CHD1L: variants seen among roughly 807,000 people sequenced by gnomAD.
CHD1L encodes ATP-dependent chromatin remodeler CHD1L.
Under a neutral mutation model 115.9 loss-of-function variants are expected in CHD1L, and 118 were observed. The ratio of observed to expected loss-of-function variants is 1.02; its 90% CI spans 0.88 to 1.19. The LOEUF (loss-of-function observed/expected upper bound fraction) is 1.19. Among genes scored for constraint, CHD1L ranks in the 50% most tolerant of loss-of-function variants. CHD1L has a pLI of 0.00. For synonymous variants in CHD1L, 411 were observed against 387.1 expected (o/e 1.06, Z -0.72); for missense variants, 1,179 against 1,065.3 (o/e 1.11, Z -1.49).
At chr1:147,224,793 T>A in the CHD1L span, 12,457 of 1,154,048 alleles carry the variant, frequency 0.011, 125 homozygotes, top group Middle Eastern at 0.025. Context: ...TACAGGCGTG[T>A]GCCAACCGCG....
intron 16 of CHD1L, 49 bp from the exon 17 acceptor site, chr1:147,285,275 C>T (rs782395421): frequency 1.5e-5 from 24 of 1,577,154 alleles, no homozygotes; most frequent in Middle Eastern, 1.7e-4. Context: ...TAATGAAATT[C>T]GGGGAGGAAT....
chr1:147,288,322 C>CAT (rs1452486110), intron 19 of CHD1L, among the ~76,000 whole-genome samples: 1,219 of 87,858 alleles, frequency 0.014, 103 homozygotes, highest in African/African-American at 0.055. Flanking sequence ...GACCCTGTTT[C>CAT]AATAAAAAAA....
the CHD1L span, chr1:147,216,084 G>C: frequency 1.7e-6 from 1 of 601,674 alleles, no homozygotes; most frequent in South Asian, 2.1e-5. Context: ...CCCTTATGTA[G>C]TCCCTTCCCC....
At chr1:147,248,622 C>G (rs1553934890) in intron 1 of CHD1L, among the ~76,000 whole-genome samples, 1 of 152,102 alleles carries the variant, frequency 6.6e-6, no homozygotes, top group Non-Finnish European at 1.5e-5. Context: ...ATCTCTGTTT[C>G]TTTTTCTTGC....
At chr1:147,254,726 C>T (rs1669511145) in intron 2 of CHD1L, 144 bp from the exon 3 acceptor site, 2 of 504,686 alleles carry the variant, frequency 4.0e-6, no homozygotes, top group Middle Eastern at 2.9e-4. Flanking sequence ...GATTACTCCC[C>T]TGATATGCGG....
intron 7 of CHD1L, among the ~76,000 whole-genome samples, chr1:147,265,452 G>A (rs1400345499): frequency 6.6e-6 from 1 of 152,102 alleles, no homozygotes; most frequent in Non-Finnish European, 1.5e-5. Context: ...TTCTAATTTA[G>A]AATAATTTTT....
intron 20 of CHD1L, among the ~76,000 whole-genome samples, chr1:147,292,397 C>T (rs1375667659): frequency 6.6e-6 from 1 of 152,180 alleles, no homozygotes; most frequent in Non-Finnish European, 1.5e-5. Context: ...ATTTACCCCA[C>T]CTACCTGGCT....
rs191318054 is a variant in CHD1L at position 147,267,536 on chromosome 1, C to A, written c.988+18C>A. 9.8e-5 allele frequency: 155 copies of A among 1,575,104 alleles called. 2 individuals are homozygous for A. The East Asian group carries it at 1.6e-3, about 16-fold the overall frequency. ...GTTTGATGGTGAGACAGTGCCTTTTCCCCCCACATTATTCTTTGGTAATGT... is the reference window on the plus strand; with the variant it reads ...GTTTGATGGTGAGACAGTGCCTTTTACCCCCACATTATTCTTTGGTAATGT... On this transcript the variant is annotated intron_variant, in intron 9 of 22. Transcript: ENST00000369258.
At chr1:147,290,365 A>G (rs1685021753) in intron 19 of CHD1L, among the ~76,000 whole-genome samples, 1 of 152,142 alleles carries the variant, frequency 6.6e-6, no homozygotes, top group Admixed American at 6.5e-5. Flanking sequence ...GATTACACAC[A>G]TAAGCCACTG....
At chr1:147,218,736 A>C in the CHD1L span, among the ~76,000 whole-genome samples, 2 of 152,164 alleles carry the variant, frequency 1.3e-5, no homozygotes, top group Admixed American at 6.6e-5. Context: ...TTTAATCTCA[A>C]ATTTCTAAGT....
chr1:147,288,970 G>T (rs373252602), intron 19 of CHD1L, among the ~76,000 whole-genome samples: 3 of 152,146 alleles, frequency 2.0e-5, no homozygotes, highest in Non-Finnish European at 2.9e-5. Context: ...GAAGGACCTT[G>T]TCTGATAGAG....
the CHD1L span, among the ~76,000 whole-genome samples, chr1:147,200,156 T>G: frequency 6.6e-6 from 1 of 152,212 alleles, no homozygotes; most frequent in Non-Finnish European, 1.5e-5. Context: ...CATTGGCTGA[T>G]AGGAAAAAGG....
intron 2 of CHD1L, among the ~76,000 whole-genome samples, chr1:147,253,921 A>G (rs1669217347): frequency 6.6e-6 from 1 of 152,206 alleles, no homozygotes; most frequent in African/African-American, 2.4e-5. Context: ...CCATCAAGAG[A>G]ATTTATAATT....
At chr1:147,212,451 A>G in the CHD1L span, 6 of 1,614,066 alleles carry the variant, frequency 3.7e-6, no homozygotes, top group East Asian at 1.1e-4. Context: ...CCCAATGCCA[A>G]TTATAATGAC....
chr1:147,190,068 G>A, the CHD1L span: 2 of 675,960 alleles, frequency 3.0e-6, no homozygotes, highest in South Asian at 2.4e-5. Flanking sequence ...CTTCATAATA[G>A]AATCTAAATC....
chr1:147,192,930 A>T, the CHD1L span, among the ~76,000 whole-genome samples: 1 of 151,976 alleles, frequency 6.6e-6, no homozygotes, highest in Non-Finnish European at 1.5e-5. Flanking sequence ...TTTATTGAGG[A>T]TTTTTGCATC....
intron 2 of CHD1L, among the ~76,000 whole-genome samples, chr1:147,254,001 C>T (rs919955696): frequency 3.9e-5 from 6 of 152,204 alleles, no homozygotes; most frequent in East Asian, 1.9e-4. Context: ...TTGATAGGAA[C>T]ATCTTTGTGC....
the CHD1L span, among the ~76,000 whole-genome samples, chr1:147,217,101 G>A: frequency 3.3e-5 from 5 of 152,094 alleles, no homozygotes; most frequent in Non-Finnish European, 5.9e-5. Flanking sequence ...TTAGCCGGGC[G>A]TGGTGGCGCA....
At chr1:147,256,644 C>CAGGAGAGGCAAAG in intron 5 of CHD1L, 82 bp downstream of exon 5, 2 of 1,368,930 alleles carry the variant, frequency 1.5e-6, no homozygotes, top group Non-Finnish European at 2.1e-6. Context: ...AGTACTTTGC[C>CAGGAGAGGCAAAG]TCTCCTGGCA....
Sources: allele counts gnomAD v4.1 joint callset (sites outside exome capture counted in the v4.1 genomes callset), GRCh38; gene constraint gnomAD v4.1.1; transcripts MANE v1.5; gene names NCBI Gene and HGNC (gene_info 2026-07-23, HGNC 2026-07-21).